The following MROH6 variants were observed in gnomAD, a reference collection of about 807,000 sequenced individuals.
MROH6 encodes maestro heat like repeat family member 6.
Under a neutral mutation model 67.7 loss-of-function variants are expected in MROH6, and 62 were observed. The ratio of observed to expected loss-of-function variants is 0.92; its 90% CI spans 0.75 to 1.13. MROH6 has a LOEUF of 1.13. Ranked by LOEUF, MROH6 falls within the 50% of genes most tolerant of loss-of-function variation. MROH6 has a pLI of 0.00. For synonymous variants in MROH6, 566 were observed against 470.8 expected (o/e 1.20, Z -2.62); for missense variants, 1,175 against 1,029.1 (o/e 1.14, Z -1.94).
At chr8:143,568,467 G>T in intron 10 of MROH6, 85 bp downstream of exon 10, 1 of 1,456,842 alleles carries the variant, frequency 6.9e-7, no homozygotes, top group South Asian at 1.4e-5. Context: ...GTGAGTCCCT[G>T]ACCTGTAATT....
chr8:143,568,933 A>G (rs1400043905), intron 9 of MROH6: 9 of 440,166 alleles, frequency 2.0e-5, no homozygotes, highest in Admixed American at 9.6e-5. Flanking sequence ...GGGGTCCGGA[A>G]GGAAAAGTCG....
Position 143,570,615 on chromosome 8 carries a change from C to G in MROH6, c.763G>C (p.Val255Leu), listed in dbSNP as rs909112426. ...LGEMLAVSGC[V>L]GATRGFYPHL... The stretch of plus-strand genomic sequence containing the variant: ...GGGTAGAAGCCCCTCGTGGCTCCCA[C>G]GCAGCCCGAAACAGCCAGCATCTCC... Residue 255 changes from valine (V) to leucine (L), a missense_variant, in exon 5 of 14, where the codon GTG becomes CTG. Physicochemically the swap from Val to Leu is conservative, Grantham distance 32. Coordinates refer to ENST00000398882, the MANE Select transcript of MROH6 (RefSeq NM_001100878.2). 3.7e-6 allele frequency: 6 copies of G among 1,600,626 alleles called. No homozygotes were observed. The highest frequency in any genetic ancestry group is 1.3e-5 in the African/African-American group (1 of 74,914).
chr8:143,570,216 C>T (rs796398341), intron 6 of MROH6, 27 bp downstream of exon 6: 4 of 1,562,910 alleles, frequency 2.6e-6, no homozygotes, highest in African/African-American at 2.7e-5. Context: ...GGTGTGACAC[C>T]CTGGGGCCCC....
In MROH6 at chr8:143,572,090, C is replaced by T. The variant is rs765927092; in HGVS notation, c.390G>A (p.Ala130=). 21 of 1,612,792 alleles carry T rather than the reference C, an allele frequency of 1.3e-5. No homozygotes were observed. Among genetic ancestry groups the T allele is most frequent in the Non-Finnish European group, 1.6e-5 (19 of 1,179,786 alleles). The change falls in exon 2 of 14, where the codon GCG becomes GCA. Residue 130 remains alanine (A), a synonymous_variant. Coordinates refer to ENST00000398882, the MANE Select transcript of MROH6 (RefSeq NM_001100878.2). ...GGGCTGAGGACAGGGTGAGCACTGT[C>T]GCCTGGGTCCCTGCAAAGCCAGCCT... ...LEEAGFAGTQ[A]TVLTLSSALE...
At chr8:143,568,784 G>A (rs564722176) in intron 9 of MROH6, 65 bp from the exon 10 acceptor site, 14 of 1,254,692 alleles carry the variant, frequency 1.1e-5, no homozygotes, top group Non-Finnish European at 1.5e-5. Context: ...GGGAGGGGGC[G>A]GCCAGCGCGG....
At chr8:143,568,974 T>C in intron 9 of MROH6, 1 of 237,298 alleles carries the variant, frequency 4.2e-6, no homozygotes. Context: ...GACACGGCCC[T>C]GGAGGGGCGG....
chr8:143,567,469 CGAG>C lies in MROH6; in HGVS notation c.1934-7_1934-5del, dbSNP rs142293548. 4,409 of 1,421,600 alleles carry C rather than the reference CGAG, an allele frequency of 3.1e-3. 180 individuals are homozygous for C. In the East Asian group the frequency reaches 0.096, roughly 31 times the overall value. The allele number at this position is 1,421,600 out of a possible 1,614,324, so 88.1% of individuals were successfully genotyped here. ...TCGCTCTGCAGTCGCCCTAGGTCTG[CGAG>C]GAGATCGCGGCTCAGGCTGGGGAGC... On this transcript the variant is annotated splice_region_variant and splice_polypyrimidine_tract_variant and intron_variant, in intron 13 of 13. Transcript: ENST00000398882.
chr8:143,571,103 G>A, intron 3 of MROH6, 109 bp from the exon 4 acceptor site: 2 of 822,582 alleles, frequency 2.4e-6, no homozygotes, highest in Admixed American at 2.4e-5. Context: ...CAGCAGGGGA[G>A]GGGCAGGAAA....
Position 143,569,814 on chromosome 8 carries a change from C to A in MROH6, c.1185G>T (p.Arg395=), listed in dbSNP as rs761959041. Residue 395 remains arginine, a synonymous_variant, in exon 8 of 14, where the codon CGG becomes CGT. Transcript: ENST00000398882. The part of the protein sequence containing the change: ...TGLLQSRPTA[R]LLREEVILER... ...CCAGGATGACCTCCTCCCGCAGGAG[C>A]CGTGCGGTGGGCCGGCTCTGCAACA... is the stretch of plus-strand genomic sequence containing the variant. 1.9e-6 allele frequency: 3 copies of A among 1,611,500 alleles called. No individual in the cohort carries two copies. The African/African-American group carries it at 4.0e-5, about 22-fold the overall frequency.
In MROH6 at chr8:143,569,539, C is replaced by G; in HGVS notation, c.1378G>C (p.Ala460Pro). Residue 460 changes from alanine (A) to proline (P), a missense_variant, in exon 9 of 14, where the codon GCG (alanine) becomes CCG (proline). Ala to Pro is a conservative substitution (Grantham distance 27). Coordinates refer to ENST00000398882, the MANE Select transcript of MROH6 (RefSeq NM_001100878.2). ...GEGDARLVGA[A>P]LGALRRLLLR... is the part of the protein sequence containing the mutation. ...AGGAGCCTCCTCAGGGCGCCCAGCG[C>G]TGCACCCACGAGCCGCGCGTCGCCT... 1 of 1,528,338 alleles carries G rather than the reference C, an allele frequency of 6.5e-7. No individual in the cohort carries two copies. The highest frequency in any genetic ancestry group is 8.7e-7 in the Non-Finnish European group (1 of 1,143,836). The allele number at this position is 1,528,338 out of a possible 1,614,324, so 94.7% of individuals were successfully genotyped here.
chr8:143,572,201 TG>T lies in MROH6; in HGVS notation c.295-17del. 12 of 1,611,530 alleles carry T rather than the reference TG, an allele frequency of 7.4e-6. No individual in the cohort carries two copies. The highest frequency in any genetic ancestry group is 1.0e-5 in the Non-Finnish European group (12 of 1,179,098). The stretch of plus-strand genomic sequence containing the variant: ...TCTGGGGAACCTAGGGCAGGATGGG[TG>T]GGGCGTCTGAAGTGCCCAAACCTCT... On this transcript the variant is annotated splice_polypyrimidine_tract_variant and intron_variant, in intron 1 of 13. Coordinates refer to ENST00000398882, the MANE Select transcript of MROH6 (RefSeq NM_001100878.2).
intron 2 of MROH6, 54 bp downstream of exon 2, chr8:143,571,979 C>G (rs1203725291): frequency 6.4e-7 from 1 of 1,566,914 alleles, no homozygotes; most frequent in East Asian, 2.3e-5. Context: ...CTCCCACCAC[C>G]TTGGTGCCCG....
At chr8:143,567,760 G>A (rs780024799) in intron 12 of MROH6, 26 bp downstream of exon 12, 9 of 1,571,464 alleles carry the variant, frequency 5.7e-6, no homozygotes, top group African/African-American at 5.4e-5. Flanking sequence ...CGGTGCCAGG[G>A]GCAGTGTGAC....
Position 143,571,738 on chromosome 8 carries a change from C to T in MROH6, c.531G>A (p.Leu177=). The change falls in exon 3 of 14, where the codon CTG becomes CTA. Residue 177 remains leucine, a synonymous_variant. Coordinates refer to ENST00000398882, the MANE Select transcript of MROH6 (RefSeq NM_001100878.2). ...GCGCATGCTCCAGGGCCAGTGCGCT[C>T]AGCACTCGCAGGGCCGCCCTCCAGG... ...GRPWRAALRV[L]SALALEHARD... is the part of the protein sequence containing the mutation. 6.5e-7 allele frequency: 1 copy of T among 1,549,546 alleles called. No homozygotes were observed. The highest frequency in any genetic ancestry group is 8.7e-7 in the Non-Finnish European group (1 of 1,147,864).
In MROH6 at chr8:143,572,711, C is replaced by T; in HGVS notation, c.4G>A (p.Ala2Thr). M[A>T]GGVWGRSRAR... ...CGGCTCCGGCCCCACACACCCCCAG[C>T]CATGGCGGCCCTTGCCTGCAGCACC... Residue 2 changes from alanine (A) to threonine (T), a missense_variant, in exon 1 of 14, where the codon GCT becomes ACT. Ala to Thr is a moderately conservative substitution (Grantham distance 58). Coordinates refer to ENST00000398882, the MANE Select transcript of MROH6 (RefSeq NM_001100878.2). The T allele has an allele frequency of 6.8e-7, 1 of 1,480,668 alleles. No homozygotes were observed. Among genetic ancestry groups the T allele is most frequent in the Non-Finnish European group, 8.9e-7 (1 of 1,118,558 alleles). 91.7% of individuals were successfully genotyped at this position (1,480,668 alleles called of 1,614,324 possible).
chr8:143,570,277 G>A lies in MROH6; in HGVS notation c.1009C>T (p.His337Tyr), dbSNP rs530359047. Residue 337 changes from histidine to tyrosine, a missense_variant, in exon 6 of 14, where the codon CAC becomes TAC. Coordinates refer to ENST00000398882, the MANE Select transcript of MROH6 (RefSeq NM_001100878.2). ...AGCAGGACGCCCTCCAGGTGGGTGT[G>A]GGCTCCCACCAGCCTCCTCCAGCCT... ...AGGWRRLVGA[H>Y]THLEGVLLLA... The A allele has an allele frequency of 1.2e-5, 20 of 1,602,316 alleles. No homozygotes were observed. The African/African-American group carries it at 2.5e-4, about 20-fold the overall frequency.
At position 143,568,281 on chromosome 8, in the gene MROH6, C is replaced by A. The variant is rs765620797; in HGVS notation, c.1645-20G>T. ...TGAGCTCTGGGATAGGGGAAGTGAG[C>A]CGGGTCAGGGGTCCAGGAAGTAGAA... On this transcript the variant is annotated intron_variant, in intron 10 of 13. Transcript: ENST00000398882. The A allele has an allele frequency of 6.3e-7, 1 of 1,594,314 alleles. No individual in the cohort carries two copies. The highest frequency in any genetic ancestry group is 1.3e-5 in the African/African-American group (1 of 74,572).
rs777160935 is a variant in MROH6, at chr8:143,567,810, G to A, written c.1843C>T (p.Arg615Cys). The A allele has an allele frequency of 1.3e-5, 20 of 1,537,334 alleles. No homozygotes were observed. The highest frequency in any genetic ancestry group is 8.3e-5 in the African/African-American group (6 of 72,476). Residue 615 changes from arginine to cysteine, a missense_variant, in exon 12 of 14, where the codon CGC becomes TGC. Physicochemically the swap from Arg to Cys is radical, Grantham distance 180 (BLOSUM62 -3). Transcript: ENST00000398882. The stretch of plus-strand genomic sequence containing the variant: ...CCTATAAGCACGGCGGCTGCCCGGC[G>A]CAGGGGGTCCTGTGGACTCCGCAGG... ...GYLRSPQDPL[R>C]RAAAVLIGFL...
chr8:143,568,516 T>C (rs765914338), intron 10 of MROH6, 36 bp downstream of exon 10: 1 of 1,492,868 alleles, frequency 6.7e-7, no homozygotes, highest in South Asian at 1.3e-5. Context: ...GAGTGTTGGA[T>C]GGCATAGGGG....
Sources: gnomAD v4.1 joint callset for allele counts on GRCh38, gnomAD v4.1.1 for gene constraint, MANE v1.5 for transcripts, NCBI Gene and HGNC (gene_info 2026-07-23, HGNC 2026-07-21) for gene names.